The following PFKP variants were observed in gnomAD, a reference collection of about 807,000 sequenced individuals.
PFKP encodes the protein phosphofructokinase, platelet, also known as ATP-dependent 6-phosphofructokinase, platelet type.
Under a neutral mutation model 94.3 loss-of-function variants are expected in PFKP, and 101 were observed. The ratio of observed to expected loss-of-function variants is 1.07; its 90% CI spans 0.91 to 1.26. The LOEUF (loss-of-function observed/expected upper bound fraction) is 1.26. Among genes scored for constraint, PFKP ranks in the 50% most tolerant of loss-of-function variants. The pLI is 0.00. For synonymous variants in PFKP, 573 were observed against 432.6 expected (o/e 1.32, Z -4.03); for missense variants, 1,145 against 1,103.3 (o/e 1.04, Z -0.53).
chr10:3,119,450 T>TA (rs1235197274), intron 15 of PFKP, among the ~76,000 whole-genome samples: 1 of 151,170 alleles, frequency 6.6e-6, no homozygotes, highest in African/African-American at 2.4e-5. Context: ...TACTAAAATA[T>TA]AAAAATTAGC....
chr10:3,082,310 C>A (rs949986597), intron 1 of PFKP, 78 bp from the exon 2 acceptor site: 3 of 1,042,584 alleles, frequency 2.9e-6, no homozygotes, highest in African/African-American at 3.2e-5. Context: ...GAAACGGACC[C>A]ATGGTCATGG....
chr10:3,128,637 G>GCCTCCTCCCCTGGCA (rs1838215836), intron 16 of PFKP, among the ~76,000 whole-genome samples: 1 of 152,138 alleles, frequency 6.6e-6, no homozygotes. Context: ...GTTCCCTGGC[G>GCCTCCTCCCCTGGCA]CCTCCTCCTT....
At chr10:3,071,445 T>TTTTTG (rs1564254763) in intron 1 of PFKP, among the ~76,000 whole-genome samples, 4 of 138,690 alleles carry the variant, frequency 2.9e-5, no homozygotes. Flanking sequence ...TTTTTTTTTT[T>TTTTTG]TTTTCTTTCT....
intron 14 of PFKP, among the ~76,000 whole-genome samples, chr10:3,118,361 G>A (rs575872642): frequency 2.0e-5 from 3 of 152,078 alleles, no homozygotes; most frequent in Non-Finnish European, 4.4e-5. Flanking sequence ...CCAGCTACTC[G>A]GGAGGCTGAG....
rs968677206 is a variant in PFKP at position 3,112,998 on chromosome 10, T to C, written c.1155-121T>C. 74 of 868,628 alleles carry C rather than the reference T, an allele frequency of 8.5e-5. 1 individual carries two copies. The highest frequency in any genetic ancestry group is 7.2e-4 in the South Asian group (46 of 64,030). The allele number at this position is 868,628 out of a possible 1,614,324, so 53.8% of individuals were successfully genotyped here. ...ACATGGAACCCTGGGGCCTCCTCCT[T>C]CTGCCCAGATAGTCGGGCAGACACA... On this transcript the variant is annotated intron_variant, in intron 11 of 21. Transcript: ENST00000381125.
Position 3,093,745 on chromosome 10 carries a change from G to T in PFKP, c.187-5530G>T, listed in dbSNP as rs771491257. Among the ~76,000 whole-genome samples, 10 of 142,100 alleles carry T rather than the reference G, an allele frequency of 7.0e-5. No homozygotes were observed. The East Asian group carries it at 1.5e-3, about 21-fold the overall frequency. The allele number at this position is 142,100 out of a possible 152,430, so 93.2% of individuals were successfully genotyped here. A position where few individuals can be genotyped will look rare whatever the true frequency, so the allele number is the denominator to read the frequency against. ...TGCAAGCTCCGCCTCCCAGGTTCAC[G>T]CCATTCTCCCGCCTCAGCCTCCCGA... On this transcript the variant is annotated intron_variant, in intron 2 of 21. Transcript: ENST00000381125.
At chr10:3,122,839 G>A (rs953749404) in intron 16 of PFKP, among the ~76,000 whole-genome samples, 1 of 152,216 alleles carries the variant, frequency 6.6e-6, no homozygotes, top group Non-Finnish European at 1.5e-5. Flanking sequence ...GTCCAGGGAG[G>A]TTTCTGGTTA....
chr10:3,106,443 G>A (rs112196862), intron 7 of PFKP, among the ~76,000 whole-genome samples: 11,677 of 145,056 alleles, frequency 0.08, 738 homozygotes, highest in African/African-American at 0.1. Flanking sequence ...GTCCACCTGT[G>A]TGTCCTTCCC....
chr10:3,088,832 A>C (rs1833831552), intron 2 of PFKP, among the ~76,000 whole-genome samples: 1 of 149,252 alleles, frequency 6.7e-6, no homozygotes, highest in African/African-American at 2.5e-5. Flanking sequence ...CTCCCCTTCC[A>C]TACCTCTGAT....
intron 1 of PFKP, among the ~76,000 whole-genome samples, chr10:3,078,830 G>A (rs907879411): frequency 3.9e-5 from 6 of 152,184 alleles, no homozygotes; most frequent in Non-Finnish European, 5.9e-5. Context: ...GGGCCCCACC[G>A]AGTGCTGCCA....
chr10:3,091,815 A>G (rs1834064019), intron 2 of PFKP, among the ~76,000 whole-genome samples: 1 of 152,156 alleles, frequency 6.6e-6, no homozygotes, highest in South Asian at 2.1e-4. Context: ...CTTTTATCTT[A>G]ATTTTTTGTT....
chr10:3,106,313 G>A (rs1304828877), intron 7 of PFKP, among the ~76,000 whole-genome samples: 136 of 5,156 alleles, frequency 0.026, 4 homozygotes, highest in Admixed American at 0.042. Flanking sequence ...GTCCACCTGT[G>A]TGTCCTTCCC....
At chr10:3,125,635 G>A (rs955716951) in intron 16 of PFKP, among the ~76,000 whole-genome samples, 2 of 152,210 alleles carry the variant, frequency 1.3e-5, no homozygotes, top group East Asian at 1.9e-4. Context: ...GGACAGAGCC[G>A]TACCCACTGG....
chr10:3,081,603 C>T lies in PFKP; in HGVS notation c.113-785C>T, dbSNP rs78858662. On this transcript the variant is annotated intron_variant, in intron 1 of 21. Coordinates refer to ENST00000381125, the MANE Select transcript of PFKP (RefSeq NM_002627.5). ...CCGATGGGCCTGAGCTTGTTAGCCACGACAGCAAGACAGACCCTCCAGGCC... is the reference window on the plus strand; with the variant it reads ...CCGATGGGCCTGAGCTTGTTAGCCATGACAGCAAGACAGACCCTCCAGGCC... Among the ~76,000 whole-genome samples the T allele has an allele frequency of 8.9e-3, 1,350 of 152,302 alleles. 21 individuals carry two copies. Among genetic ancestry groups the T allele is most frequent in the African/African-American group, 0.03 (1,258 of 41,548 alleles).
intron 1 of PFKP, among the ~76,000 whole-genome samples, chr10:3,077,575 C>CT (rs144293480): frequency 0.037 from 5,445 of 148,694 alleles, 294 homozygotes; most frequent in African/African-American, 0.12. Flanking sequence ...CTATTCCTTA[C>CT]TTTTTAAAAA....
rs753761535 is a variant in PFKP, at chr10:3,118,735, G to C, written c.1443-47G>C. 4.3e-6 allele frequency: 6 copies of C among 1,407,876 alleles called. No homozygotes were observed. The South Asian group carries it at 7.0e-5, about 16-fold the overall frequency. The allele number at this position is 1,407,876 out of a possible 1,614,324, so 87.2% of individuals were successfully genotyped here. On this transcript the variant is annotated intron_variant, in intron 14 of 21. Coordinates refer to ENST00000381125, the MANE Select transcript of PFKP (RefSeq NM_002627.5). ...ACCGGCGTGGCGTCCTGCGGACCGC[G>C]TGGAGTTTGGGGTGTCTGACATCGT...
rs1286223187 is a variant in PFKP at position 3,135,773 on chromosome 10, G to T, written c.2160G>T (p.Leu720=). 6.2e-7 allele frequency: 1 copy of T among 1,613,390 alleles called. No homozygotes were observed. Among genetic ancestry groups the T allele is most frequent in the Non-Finnish European group, 8.5e-7 (1 of 1,179,406 alleles). Residue 720 remains leucine, a synonymous_variant, in exon 21 of 22, where the codon CTG becomes CTT. Coordinates refer to ENST00000381125, the MANE Select transcript of PFKP (RefSeq NM_002627.5). The stretch of plus-strand genomic sequence containing the variant: ...CCACCGATGATTCCATTTGTGTGCT[G>T]GGAATAAGCAAAAGAAACGTTATTT... The part of the protein sequence containing the change: ...KFTTDDSICV[L]GISKRNVIFQ...
intron 14 of PFKP, among the ~76,000 whole-genome samples, chr10:3,118,176 A>C (rs1228687582): frequency 2.0e-5 from 3 of 152,176 alleles, no homozygotes; most frequent in Non-Finnish European, 4.4e-5. Context: ...GGAAATTTCC[A>C]TTTAAACAAT....
chr10:3,092,589 C>T (rs1470646034), intron 2 of PFKP, among the ~76,000 whole-genome samples: 3 of 152,086 alleles, frequency 2.0e-5, no homozygotes, highest in African/African-American at 4.8e-5. Flanking sequence ...CACCCCAGTA[C>T]CCTAATTTGG....
Sources: allele counts gnomAD v4.1 joint callset (sites outside exome capture counted in the v4.1 genomes callset), GRCh38; gene constraint gnomAD v4.1.1; transcripts MANE v1.5; gene names NCBI Gene and HGNC (gene_info 2026-07-23, HGNC 2026-07-21).